Variants in EHBP1 observed in about 807,000 individuals in gnomAD.
EHBP1 encodes the protein EH domain binding protein 1, also known as EH domain-binding protein 1.
EHBP1 carries 55 observed loss-of-function variants against 144.0 expected under a neutral mutation model. The observed-to-expected ratio is 0.38, with a 90% CI of 0.31 to 0.48. The LOEUF is 0.48. Ranked by LOEUF, EHBP1 falls within the 20% of genes least tolerant of loss-of-function variation. EHBP1 has a pLI of 0.98. For missense variants in EHBP1, 1,200 were observed against 1,364.2 expected (o/e 0.88, Z 1.90); for synonymous variants, 469 against 472.7 (o/e 0.99, Z 0.10).
intron 3 of EHBP1, among the ~76,000 whole-genome samples, chr2:62,756,989 G>A (rs992863912): frequency 3.3e-5 from 5 of 152,104 alleles, no homozygotes; most frequent in South Asian, 2.1e-4. Flanking sequence ...TATCAGTTAC[G>A]TTAAATCTAA....
At chr2:62,960,728 C>T (rs771590566) in intron 14 of EHBP1, among the ~76,000 whole-genome samples, 19 of 152,074 alleles carry the variant, frequency 1.2e-4, no homozygotes, top group Non-Finnish European at 2.1e-4. Context: ...TAAGGAGGTT[C>T]TTAGTAGGTT....
chr2:62,764,042 G>A (rs1301269784), intron 3 of EHBP1, among the ~76,000 whole-genome samples: 1 of 152,058 alleles, frequency 6.6e-6, no homozygotes, highest in Non-Finnish European at 1.5e-5. Context: ...GTAATCTGTA[G>A]CTGTCATATG....
intron 2 of EHBP1, among the ~76,000 whole-genome samples, chr2:62,730,789 AAGAC>A (rs1378292917): frequency 4.0e-5 from 4 of 98,912 alleles, no homozygotes; most frequent in South Asian, 3.4e-4. Context: ...CAGACAGAGA[AAGAC>A]AGAGATGGAC....
upstream of EHBP1, among the ~76,000 whole-genome samples, chr2:62,704,493 G>A (rs1203409020): frequency 1.3e-5 from 2 of 152,148 alleles, no homozygotes; most frequent in African/African-American, 4.8e-5. Context: ...CATGCACCCT[G>A]CTTTCCAACC....
intron 1 of EHBP1, among the ~76,000 whole-genome samples, chr2:62,696,164 CTCTT>C (rs70962789): frequency 7.2e-4 from 98 of 135,660 alleles, no homozygotes; most frequent in East Asian, 4.1e-3. Flanking sequence ...CTCTCTCTCT[CTCTT>C]TCTTTCTTTC....
At chr2:62,795,621 T>C (rs1158777176) in intron 5 of EHBP1, among the ~76,000 whole-genome samples, 1 of 152,098 alleles carries the variant, frequency 6.6e-6, no homozygotes, top group Non-Finnish European at 1.5e-5. Context: ...CTCTGATTCC[T>C]TTCCATTTTT....
At position 63,045,202 on chromosome 2, in the gene EHBP1, G is replaced by T; in HGVS notation, c.3392+22G>T. 6.4e-7 allele frequency: 1 copy of T among 1,556,760 alleles called. No individual in the cohort carries two copies. The highest frequency in any genetic ancestry group is 8.7e-7 in the Non-Finnish European group (1 of 1,146,518). ...AGCAGTGAGTGGGCAGTGGGGTCGG[G>T]TCGAGGCTGGGCCACCTGCCGAGGG... On this transcript the variant is annotated intron_variant, in intron 22 of 22. Transcript: ENST00000431489. This position sits in a 1 kb window ranked among gnomAD's most constrained non-coding sequence, Gnocchi z 5.7.
intron 14 of EHBP1, among the ~76,000 whole-genome samples, chr2:62,974,433 A>G (rs2058628339): frequency 6.6e-6 from 1 of 152,206 alleles, no homozygotes. Context: ...AAATAAAAAT[A>G]TCAAATTTTG....
chr2:62,961,385 T>C (rs537560903), intron 14 of EHBP1, among the ~76,000 whole-genome samples: 1 of 152,358 alleles, frequency 6.6e-6, no homozygotes, highest in South Asian at 2.1e-4. Context: ...ATTTGCTCCC[T>C]GAAATTATGT....
intron 2 of EHBP1, among the ~76,000 whole-genome samples, chr2:62,746,840 CTT>C (rs1452523113): frequency 2.6e-5 from 4 of 151,936 alleles, no homozygotes; most frequent in Non-Finnish European, 1.5e-5. Flanking sequence ...ACTTAATAGT[CTT>C]TTAAGCTTAA....
chr2:62,949,033 T>C lies in EHBP1; in HGVS notation c.2187T>C (p.Leu729=). ...KKTSLSPTSK[L]GYSYSRDLDL... is the part of the protein sequence containing the mutation. ...CAAGTTTATCTCCTACTTCTAAACTTGGATACTCATATAGTAGAGATCTAG... is the reference window on the plus strand; with the variant it reads ...CAAGTTTATCTCCTACTTCTAAACTCGGATACTCATATAGTAGAGATCTAG... The change falls in exon 13 of 23, where the codon CTT becomes CTC. Residue 729 remains leucine (L), a synonymous_variant. Coordinates refer to ENST00000431489, the MANE Select transcript of EHBP1 (RefSeq NM_001142616.3). The C allele has an allele frequency of 6.2e-7, 1 of 1,613,888 alleles. No homozygotes were observed. The highest frequency in any genetic ancestry group is 8.5e-7 in the Non-Finnish European group (1 of 1,179,946).
chr2:62,946,326 AT>A (rs531509156), intron 12 of EHBP1, among the ~76,000 whole-genome samples: 1 of 152,190 alleles, frequency 6.6e-6, no homozygotes, highest in East Asian at 1.9e-4. Context: ...TCCCATTAAA[AT>A]TTTTTTTCAA....
rs531356185 is a variant in EHBP1 at position 63,027,059 on chromosome 2, T to C, written c.3104-10476T>C. Among the ~76,000 whole-genome samples, 9 of 152,270 alleles carry C rather than the reference T, an allele frequency of 5.9e-5. No individual in the cohort carries two copies. The East Asian group carries it at 1.7e-3, about 29-fold the overall frequency. Reference sequence around the variant, plus strand: ...TCTGGTAAGACTGATTACCTGTGAGTCCTTAAGTGTCAAATGGGTGGCTAA... The same window carrying C: ...TCTGGTAAGACTGATTACCTGTGAGCCCTTAAGTGTCAAATGGGTGGCTAA... On this transcript the variant is annotated intron_variant, in intron 19 of 22. Transcript: ENST00000431489.
rs1324348636 is a variant in EHBP1, at chr2:62,771,343, C to T, written c.263C>T (p.Pro88Leu). Reference protein sequence around the residue: ...IEITVTLFKDPHAEEFEDKEW... With the variant: ...IEITVTLFKDLHAEEFEDKEW... ...CATATTTTGCTTTTGTTACAGGATC[C>T]TCATGCGGAAGAATTTGAAGACAAA... is the stretch of plus-strand genomic sequence containing the variant. Residue 88 changes from proline to leucine, a missense_variant, in exon 5 of 23, where the codon CCT (proline) becomes CTT (leucine). Around this residue, in one of 6 missense-constraint regions of EHBP1, gnomAD observed 137 missense variants for 190.1 expected, o/e 0.72. Coordinates refer to ENST00000431489, the MANE Select transcript of EHBP1 (RefSeq NM_001142616.3). The T allele has an allele frequency of 5.0e-6, 8 of 1,593,176 alleles. No individual in the cohort carries two copies. Among genetic ancestry groups the T allele is most frequent in the Non-Finnish European group, 6.8e-6 (8 of 1,169,444 alleles).
At chr2:62,698,400 T>C (rs2034173036) in intron 1 of EHBP1, among the ~76,000 whole-genome samples, 1 of 152,224 alleles carries the variant, frequency 6.6e-6, no homozygotes, top group African/African-American at 2.4e-5. Context: ...CAAGGGGCTC[T>C]CTCAATATAG....
intron 15 of EHBP1, among the ~76,000 whole-genome samples, chr2:62,985,699 C>T (rs962016729): frequency 2.0e-5 from 3 of 152,184 alleles, no homozygotes; most frequent in Non-Finnish European, 2.9e-5. Context: ...TCCTTTCATG[C>T]CTGTAAAGCC....
chr2:62,789,255 C>T (rs960638151), intron 5 of EHBP1, among the ~76,000 whole-genome samples: 13 of 152,158 alleles, frequency 8.5e-5, no homozygotes, highest in African/African-American at 3.1e-4. Context: ...TAGGAAGACA[C>T]AAACACATAT....
At chr2:62,719,923 G>A (rs754632807) in intron 2 of EHBP1, among the ~76,000 whole-genome samples, 6 of 152,140 alleles carry the variant, frequency 3.9e-5, no homozygotes, top group Non-Finnish European at 5.9e-5. Flanking sequence ...AGGTAGTTCA[G>A]TTTCAAAATT....
chr2:62,745,936 T>C (rs2039110364), intron 2 of EHBP1, among the ~76,000 whole-genome samples: 1 of 152,026 alleles, frequency 6.6e-6, no homozygotes, highest in Admixed American at 6.6e-5. Context: ...GAGCCCAGCA[T>C]AGGATGATAA....
Sources: allele counts gnomAD v4.1 joint callset (sites outside exome capture counted in the v4.1 genomes callset), GRCh38; gene constraint gnomAD v4.1.1; regional missense constraint gnomAD v4.1.1; non-coding constraint Gnocchi (gnomAD v3.1); transcripts MANE v1.5; gene names NCBI Gene and HGNC (gene_info 2026-07-23, HGNC 2026-07-21).